Variants in PDE10A observed in about 807,000 individuals in gnomAD.
PDE10A encodes cAMP and cAMP-inhibited cGMP 3',5'-cyclic phosphodiesterase 10A.
In PDE10A, 39 loss-of-function variants were observed where a neutral mutation model predicts 97.7. The ratio of observed to expected loss-of-function variants is 0.40; its 90% CI spans 0.31 to 0.52. The LOEUF is 0.52. Ranked by LOEUF, PDE10A falls within the 20% of genes least tolerant of loss-of-function variation. The pLI is 0.56. For synonymous variants in PDE10A, 371 were observed against 376.8 expected (o/e 0.98, Z 0.18); for missense variants, 731 against 1,047.8 (o/e 0.70, Z 4.17).
intron 1 of PDE10A, among the ~76,000 whole-genome samples, chr6:165,562,921 C>T (rs1583546730): frequency 6.6e-6 from 1 of 151,890 alleles, no homozygotes; most frequent in African/African-American, 2.4e-5. Context: ...GCGTAGAAGC[C>T]GGCGAGGTTG....
rs145066228 is a variant in PDE10A at position 165,588,076 on chromosome 6, T to C, written c.866-44508A>G. The stretch of plus-strand genomic sequence containing the variant: ...TCAATAAGAAATGTATCTTTTGTTC[T>C]TAAGGTAATTTATAATGCTGGTAAA... On this transcript the variant is annotated intron_variant, in intron 1 of 21. Transcript: ENST00000539869. Among the ~76,000 whole-genome samples, 191 of 152,318 alleles carry C rather than the reference T, an allele frequency of 1.3e-3. 1 individual carries two copies. The highest frequency in any genetic ancestry group is 4.5e-3 in the African/African-American group (188 of 41,574).
chr6:165,877,716 C>T (rs1392594301), intron 1 of PDE10A, among the ~76,000 whole-genome samples: 1 of 151,906 alleles, frequency 6.6e-6, no homozygotes, highest in Non-Finnish European at 1.5e-5. Context: ...AACCTGCCTA[C>T]TCTACCTCTT....
chr6:165,650,914 T>A (rs754861818), intron 1 of PDE10A, among the ~76,000 whole-genome samples: 1 of 152,152 alleles, frequency 6.6e-6, no homozygotes, highest in Non-Finnish European at 1.5e-5. Flanking sequence ...CTTTTTGTAT[T>A]TTTAGTAGAA....
At chr6:165,544,574 TAAAAA>T (rs58985507) in intron 1 of PDE10A, among the ~76,000 whole-genome samples, 1 of 134,436 alleles carries the variant, frequency 7.4e-6, no homozygotes. Flanking sequence ...ATGGTTAGGT[TAAAAA>T]AAAAAAAAAA....
chr6:165,837,777 C>T (rs796242268), intron 1 of PDE10A, among the ~76,000 whole-genome samples: 3 of 151,616 alleles, frequency 2.0e-5, no homozygotes, highest in African/African-American at 7.3e-5. Flanking sequence ...GCTCCGCCTC[C>T]CAGGTTCATG....
intron 1 of PDE10A, among the ~76,000 whole-genome samples, chr6:165,675,285 A>C (rs2128437819): frequency 6.6e-6 from 1 of 152,280 alleles, no homozygotes; most frequent in South Asian, 2.1e-4. Context: ...CAAACCATAA[A>C]ATTTTACATT....
intron 1 of PDE10A, among the ~76,000 whole-genome samples, chr6:165,956,744 C>T (rs527436290): frequency 3.2e-4 from 48 of 152,314 alleles, no homozygotes; most frequent in African/African-American, 8.7e-4. Flanking sequence ...ATGTCTCTGA[C>T]ATGTGGAGCA....
intron 1 of PDE10A, among the ~76,000 whole-genome samples, chr6:165,582,351 A>G (rs1371536641): frequency 6.6e-6 from 1 of 152,218 alleles, no homozygotes; most frequent in Non-Finnish European, 1.5e-5. Context: ...TAAAAACTGT[A>G]CAGTGAGAGC....
intron 2 of PDE10A, among the ~76,000 whole-genome samples, chr6:165,505,005 C>T (rs996230290): frequency 2.6e-5 from 4 of 152,182 alleles, no homozygotes; most frequent in African/African-American, 9.7e-5. Context: ...ATTGCTGTCG[C>T]CTGAGCTTCC....
At chr6:165,964,823 G>A (rs942145518) in intron 1 of PDE10A, among the ~76,000 whole-genome samples, 2 of 152,194 alleles carry the variant, frequency 1.3e-5, no homozygotes, top group East Asian at 1.9e-4. Flanking sequence ...GGTGCATAGG[G>A]GGCTATAAAG....
At chr6:165,356,085 A>G (rs1000082827) in intron 18 of PDE10A, among the ~76,000 whole-genome samples, 4 of 152,058 alleles carry the variant, frequency 2.6e-5, no homozygotes, top group African/African-American at 9.7e-5. Flanking sequence ...CTTTCAAACA[A>G]CCAGATCTGG....
intron 1 of PDE10A, among the ~76,000 whole-genome samples, chr6:165,853,551 T>TA (rs1429955137): frequency 6.6e-6 from 1 of 152,236 alleles, no homozygotes; most frequent in Admixed American, 6.5e-5. Flanking sequence ...AGTGAGTTCA[T>TA]ATACGTATCC....
chr6:165,942,034 TC>T (rs1783539930), intron 1 of PDE10A, among the ~76,000 whole-genome samples: 1 of 152,180 alleles, frequency 6.6e-6, no homozygotes, highest in Non-Finnish European at 1.5e-5. Context: ...CATGATGCCA[TC>T]CGGACAGTGA....
chr6:165,537,972 C>T (rs1206119497), intron 2 of PDE10A, among the ~76,000 whole-genome samples: 1 of 151,818 alleles, frequency 6.6e-6, no homozygotes, highest in South Asian at 2.1e-4. Context: ...CTAAACCTTC[C>T]AACACCGAAT....
Position 165,431,439 on chromosome 6 carries a change from C to A in PDE10A, c.1525G>T (p.Ala509Ser). The change falls in exon 8 of 22, where the codon GCA (alanine) becomes TCA (serine). Residue 509 changes from alanine to serine, a missense_variant. By Grantham distance (99) the Ala-to-Ser change is moderately conservative. This residue lies in a region of PDE10A where 152 missense variants were observed against 199.3 expected (regional missense o/e 0.76). Coordinates refer to ENST00000539869, the MANE Select transcript of PDE10A (RefSeq NM_001385079.1). ...ATANLAWASV[A>S]IHQVQVCRGL... is the part of the protein sequence containing the mutation. ...AGACTCACCTGCACCTGATGTATTG[C>A]TACTGAAGCCCAGGCAAGATTTGCT... 6.3e-7 allele frequency: 1 copy of A among 1,599,370 alleles called. No homozygotes were observed. Among genetic ancestry groups the A allele is most frequent in the Non-Finnish European group, 8.5e-7 (1 of 1,171,528 alleles).
At chr6:165,451,907 G>A (rs1791322350) in intron 3 of PDE10A, among the ~76,000 whole-genome samples, 1 of 152,220 alleles carries the variant, frequency 6.6e-6, no homozygotes, top group African/African-American at 2.4e-5. Flanking sequence ...GTATGCTAGT[G>A]CTAGGTTGGC....
At chr6:165,820,316 G>A (rs201052630) in intron 1 of PDE10A, among the ~76,000 whole-genome samples, 2 of 152,174 alleles carry the variant, frequency 1.3e-5, no homozygotes, top group East Asian at 1.9e-4. Flanking sequence ...TAATTCCTAA[G>A]GAAAAGAAGA....
At chr6:165,492,277 T>G (rs1472783015) in intron 2 of PDE10A, among the ~76,000 whole-genome samples, 1 of 152,168 alleles carries the variant, frequency 6.6e-6, no homozygotes, top group Non-Finnish European at 1.5e-5. Context: ...CTTTCAGACA[T>G]TCAAAGAAGA....
At chr6:165,340,471 G>A (rs2128178656) in intron 19 of PDE10A, among the ~76,000 whole-genome samples, 1 of 152,320 alleles carries the variant, frequency 6.6e-6, no homozygotes, top group East Asian at 1.9e-4. Flanking sequence ...CATGGCTGCT[G>A]TTCCATTGTT....
Sources: allele counts gnomAD v4.1 joint callset (sites outside exome capture counted in the v4.1 genomes callset), GRCh38; gene constraint gnomAD v4.1.1; regional missense constraint gnomAD v4.1.1; transcripts MANE v1.5; gene names NCBI Gene and HGNC (gene_info 2026-07-23, HGNC 2026-07-21).